The following TENM2 variants were observed in gnomAD, a reference collection of about 807,000 sequenced individuals.
TENM2 encodes teneurin transmembrane protein 2.
A neutral mutation model predicts 245.2 loss-of-function variants in TENM2; 52 were observed. That is an observed-to-expected ratio of 0.21 (90% CI 0.17 to 0.27). The LOEUF is 0.27. Among genes scored for constraint, TENM2 ranks in the 10% least tolerant of loss-of-function variants. TENM2 has a pLI of 1.00. For synonymous variants in TENM2, 1,363 were observed against 1,438.9 expected (o/e 0.95, Z 1.19); for missense variants, 3,046 against 3,666.8 (o/e 0.83, Z 4.37).
chr5:168,119,684 C>T (rs1392417318), intron 10 of TENM2, among the ~76,000 whole-genome samples: 1 of 152,206 alleles, frequency 6.6e-6, no homozygotes, highest in South Asian at 2.1e-4. Flanking sequence ...CCAGCTGAGG[C>T]TCCTTTTCTC....
intron 2 of TENM2, among the ~76,000 whole-genome samples, chr5:167,705,992 T>TA (rs1491145452): frequency 0.011 from 715 of 66,888 alleles, 3 homozygotes; most frequent in African/African-American, 0.045. Context: ...TATATATATA[T>TA]TTATTTATTT....
intron 2 of TENM2, among the ~76,000 whole-genome samples, chr5:167,573,531 CCT>C (rs3052025): frequency 3.3e-5 from 5 of 149,932 alleles, no homozygotes; most frequent in African/African-American, 4.9e-5. Flanking sequence ...CCCCTCTCCC[CCT>C]CTCTCTCTCT....
the TENM2 span, among the ~76,000 whole-genome samples, chr5:167,019,142 AT>A: frequency 0.4 from 61,354 of 151,752 alleles, 13,273 homozygotes; most frequent in Admixed American, 0.55. Flanking sequence ...TAGATAAGGA[AT>A]TTTTTTTTAA....
At chr5:167,967,500 G>C (rs1781467158) in intron 4 of TENM2, among the ~76,000 whole-genome samples, 1 of 152,224 alleles carries the variant, frequency 6.6e-6, no homozygotes, top group South Asian at 2.1e-4. Context: ...CTGGAAAGTG[G>C]AGGTACCTAA....
intron 7 of TENM2, among the ~76,000 whole-genome samples, chr5:168,080,993 T>C (rs1339610789): frequency 6.6e-6 from 1 of 152,154 alleles, no homozygotes; most frequent in African/African-American, 2.4e-5. Context: ...CCTTGTTAAC[T>C]TTCTGTCTTG....
At chr5:168,162,687 C>A (rs762772345) in exon 13 of TENM2, 19 of 1,613,888 alleles carry the variant, frequency 1.2e-5, no homozygotes, top group Non-Finnish European at 1.6e-5. Context: ...TCTGCCAGAC[C>A]GGCTGGAGAG....
the TENM2 span, among the ~76,000 whole-genome samples, chr5:167,021,385 A>G: frequency 6.6e-6 from 1 of 152,248 alleles, no homozygotes; most frequent in Non-Finnish European, 1.5e-5. Context: ...AAAATTTAAA[A>G]TGCTATAAAA....
At chr5:167,662,160 A>T (rs751359639) in intron 2 of TENM2, among the ~76,000 whole-genome samples, 1 of 152,118 alleles carries the variant, frequency 6.6e-6, no homozygotes, top group African/African-American at 2.4e-5. Flanking sequence ...ACAGGTGCCC[A>T]TTGTATTTAT....
chr5:168,197,246 GTTCATTCACA>G (rs1370081897), intron 15 of TENM2, among the ~76,000 whole-genome samples: 19 of 152,144 alleles, frequency 1.2e-4, no homozygotes, highest in Admixed American at 5.2e-4. Context: ...TATGCTCCCT[GTTCATTCACA>G]TTTACTAAAA....
intron 3 of TENM2, among the ~76,000 whole-genome samples, chr5:167,909,681 G>T (rs1776397912): frequency 1.3e-5 from 2 of 152,276 alleles, no homozygotes; most frequent in South Asian, 4.1e-4. Flanking sequence ...AAAGAGTTAG[G>T]ATTTGAACCC....
intron 2 of TENM2, among the ~76,000 whole-genome samples, chr5:167,724,985 T>C (rs1361151608): frequency 1.3e-5 from 2 of 152,146 alleles, no homozygotes; most frequent in African/African-American, 2.4e-5. Context: ...AATTTAAATG[T>C]CCTTTCTTTT....
chr5:167,457,566 C>T (rs779079598), intron 2 of TENM2, among the ~76,000 whole-genome samples: 1 of 151,898 alleles, frequency 6.6e-6, no homozygotes, highest in Admixed American at 6.6e-5. Flanking sequence ...AGGCTGGTCT[C>T]GAACTCCCAA....
intron 1 of TENM2, among the ~76,000 whole-genome samples, chr5:167,319,229 G>A (rs1026054385): frequency 3.3e-5 from 5 of 152,146 alleles, no homozygotes; most frequent in Admixed American, 2.6e-4. Flanking sequence ...TTGTAGTTAA[G>A]GGTCAGATGC....
At chr5:168,143,251 T>C (rs1755715433) in intron 12 of TENM2, among the ~76,000 whole-genome samples, 1 of 149,720 alleles carries the variant, frequency 6.7e-6, no homozygotes, top group East Asian at 2.0e-4. Flanking sequence ...TAGGGGTAGA[T>C]GAAAGTCTTA....
chr5:167,630,995 T>C (rs1354863279), intron 2 of TENM2, among the ~76,000 whole-genome samples: 1 of 152,212 alleles, frequency 6.6e-6, no homozygotes, highest in Non-Finnish European at 1.5e-5. Flanking sequence ...GTAGGATATA[T>C]GGTTGTTATA....
intron 4 of TENM2, among the ~76,000 whole-genome samples, chr5:167,978,705 G>A (rs917349722): frequency 1.5e-4 from 23 of 152,050 alleles, no homozygotes; most frequent in Non-Finnish European, 2.8e-4. Flanking sequence ...AAATGTTTTG[G>A]AACTTAAATA....
intron 10 of TENM2, among the ~76,000 whole-genome samples, chr5:168,123,664 A>G (rs1332791876): frequency 1.3e-5 from 2 of 152,244 alleles, no homozygotes; most frequent in Non-Finnish European, 2.9e-5. Context: ...ATCTGGGCCA[A>G]CAGGCCTGAT....
At chr5:167,245,823 C>A in the TENM2 span, among the ~76,000 whole-genome samples, 1 of 152,144 alleles carries the variant, frequency 6.6e-6, no homozygotes, top group Admixed American at 6.6e-5. Context: ...TCCCTACTTT[C>A]TTTCTAACTG....
chr5:168,221,091 G>A lies in TENM2; in HGVS notation c.5108+2092G>A, dbSNP rs191237303. Among the ~76,000 whole-genome samples the A allele has an allele frequency of 3.5e-4, 53 of 150,528 alleles. No individual in the cohort carries two copies. The East Asian group carries it at 7.7e-3, about 22-fold the overall frequency. The stretch of plus-strand genomic sequence containing the variant: ...CACGCAGCTGTACTCCAGCCTGGGC[G>A]ACAGAGCAACACTCTGTCTCAAAAA... On this transcript the variant is annotated intron_variant, in intron 23 of 28. Transcript: ENST00000518659.
Sources: allele counts gnomAD v4.1 joint callset (sites outside exome capture counted in the v4.1 genomes callset), GRCh38; gene constraint gnomAD v4.1.1; transcripts MANE v1.5; gene names NCBI Gene and HGNC (gene_info 2026-07-23, HGNC 2026-07-21).